CTNNA2: variants seen among roughly 807,000 people sequenced by gnomAD.
The protein encoded by CTNNA2 is catenin alpha-2.
CTNNA2 carries 42 observed loss-of-function variants against 101.0 expected under a neutral mutation model. The observed-to-expected ratio is 0.42, with a 90% CI of 0.32 to 0.54. The LOEUF (loss-of-function observed/expected upper bound fraction) is 0.54, where lower values mean the gene tolerates loss of function less well. CTNNA2 is among the 20% of genes least tolerant of loss of function. CTNNA2 has a pLI of 0.14. For missense variants in CTNNA2, 871 were observed against 1,223.1 expected (o/e 0.71, Z 4.29); for synonymous variants, 450 against 456.4 (o/e 0.99, Z 0.18).
At chr2:79,336,318 T>C (rs996234593) in intron 3 of CTNNA2, among the ~76,000 whole-genome samples, 22 of 152,290 alleles carry the variant, frequency 1.4e-4, no homozygotes, top group Middle Eastern at 3.4e-3. Context: ...CAATATTCCT[T>C]CGTGTGTGAC....
Position 80,561,928 on chromosome 2 carries a change from G to A in CTNNA2, c.1741+6035G>A, listed in dbSNP as rs149501334. On this transcript the variant is annotated intron_variant, in intron 12 of 18. Coordinates refer to ENST00000402739, the MANE Select transcript of CTNNA2 (RefSeq NM_001282597.3). ...TGACCTCAGGTAATCTGCCTACCTC[G>A]GCCTCTCAAAGTGCTGGGATTACAG... Among the ~76,000 whole-genome samples, 841 of 149,834 alleles carry A rather than the reference G, an allele frequency of 5.6e-3. 6 individuals are homozygous for A. Among genetic ancestry groups the A allele is most frequent in the African/African-American group, 0.019 (782 of 40,576 alleles).
intron 3 of CTNNA2, among the ~76,000 whole-genome samples, chr2:79,774,463 G>A (rs1673819223): frequency 6.6e-6 from 1 of 152,084 alleles, no homozygotes; most frequent in African/African-American, 2.4e-5. Flanking sequence ...TTGTTTGTTT[G>A]TTTTTATTGT....
chr2:80,610,689 C>A (rs1184383207), intron 17 of CTNNA2, among the ~76,000 whole-genome samples: 1 of 151,620 alleles, frequency 6.6e-6, no homozygotes, highest in African/African-American at 2.4e-5. Context: ...AAACAGAGAG[C>A]CACGTTTTTA....
At chr2:80,270,652 C>A (rs1413038185) in intron 7 of CTNNA2, among the ~76,000 whole-genome samples, 1 of 152,126 alleles carries the variant, frequency 6.6e-6, no homozygotes, top group Admixed American at 6.5e-5. Context: ...CAAAAATTGG[C>A]ATACCAGAGG....
intron 3 of CTNNA2, among the ~76,000 whole-genome samples, chr2:79,344,832 AT>A (rs1409205388): frequency 6.9e-6 from 1 of 145,966 alleles, no homozygotes; most frequent in Non-Finnish European, 1.5e-5. Context: ...AATATATAAT[AT>A]ATATAATACA....
chr2:79,268,653 G>A (rs1367712934), intron 2 of CTNNA2, among the ~76,000 whole-genome samples: 1 of 152,082 alleles, frequency 6.6e-6, no homozygotes, highest in East Asian at 1.9e-4. Context: ...TGTGGGATCT[G>A]ATGTTATCTC....
intron 2 of CTNNA2, among the ~76,000 whole-genome samples, chr2:79,716,221 TAC>T (rs1202324086): frequency 6.6e-6 from 1 of 152,166 alleles, no homozygotes; most frequent in Non-Finnish European, 1.5e-5. Flanking sequence ...TTTTTGCCAA[TAC>T]ACCAACAATT....
chr2:80,434,350 C>G (rs1408679285), intron 9 of CTNNA2, among the ~76,000 whole-genome samples: 1 of 152,144 alleles, frequency 6.6e-6, no homozygotes, highest in Non-Finnish European at 1.5e-5. Context: ...ACTTAATGTA[C>G]TTGTAGCTAT....
intron 12 of CTNNA2, among the ~76,000 whole-genome samples, chr2:80,571,167 G>T (rs1694562020): frequency 6.6e-6 from 1 of 152,098 alleles, no homozygotes; most frequent in Non-Finnish European, 1.5e-5. Context: ...TTCGAGAAAG[G>T]TCTTCATGCA....
At chr2:79,660,572 C>T (rs564276316) in intron 2 of CTNNA2, among the ~76,000 whole-genome samples, 1 of 152,124 alleles carries the variant, frequency 6.6e-6, no homozygotes, top group African/African-American at 2.4e-5. Flanking sequence ...TATGTATACC[C>T]AAAGTAGTTA....
At chr2:80,299,149 A>G (rs1298677463) in intron 7 of CTNNA2, 1 of 152,200 alleles carries the variant, frequency 6.6e-6, no homozygotes, top group African/African-American at 2.4e-5. Flanking sequence ...CAGATAGCAC[A>G]GCATAATGAG....
Position 80,302,401 on chromosome 2 carries a change from C to T in CTNNA2, c.1057-90810C>T, listed in dbSNP as rs1305123204. 2 of 1,614,260 alleles carry T rather than the reference C, an allele frequency of 1.2e-6. No homozygotes were observed. The highest frequency in any genetic ancestry group is 3.3e-5 in the Admixed American group (2 of 60,032). ...CAGCCATCTGATGCATGGTCTGTTT[C>T]TGCTTTTGCTTCCTGCGCTGCGTGA... On this transcript the variant is annotated intron_variant, in intron 7 of 18. Coordinates refer to ENST00000402739, the MANE Select transcript of CTNNA2 (RefSeq NM_001282597.3). This position sits in a 1 kb window ranked among gnomAD's most constrained non-coding sequence, Gnocchi z 6.4.
chr2:79,651,427 G>A, intron 1 of CTNNA2, 125 bp from the exon 2 acceptor site: 1 of 848,286 alleles, frequency 1.2e-6, no homozygotes, highest in Non-Finnish European at 1.9e-6. Context: ...AATTTGACCA[G>A]GTTGGACCAG....
intron 3 of CTNNA2, among the ~76,000 whole-genome samples, chr2:79,807,588 G>C (rs1165379732): frequency 6.6e-6 from 1 of 152,048 alleles, no homozygotes; most frequent in Non-Finnish European, 1.5e-5. Context: ...TTTATTCAGT[G>C]TTCAAACATT....
At chr2:79,639,304 G>A (rs1680287842) in intron 1 of CTNNA2, among the ~76,000 whole-genome samples, 1 of 152,134 alleles carries the variant, frequency 6.6e-6, no homozygotes, top group South Asian at 2.1e-4. Flanking sequence ...CACCTAACTG[G>A]AGCTTGCACA....
chr2:79,757,618 G>C (rs1672484315), intron 3 of CTNNA2, among the ~76,000 whole-genome samples: 1 of 152,196 alleles, frequency 6.6e-6, no homozygotes, highest in Non-Finnish European at 1.5e-5. Flanking sequence ...AAGAGTCAGG[G>C]AAGTGACTAA....
At chr2:80,621,043 G>A (rs964985946) in intron 18 of CTNNA2, among the ~76,000 whole-genome samples, 11 of 151,884 alleles carry the variant, frequency 7.2e-5, no homozygotes, top group Non-Finnish European at 1.3e-4. Flanking sequence ...GTGCTCTAAA[G>A]GAGACAGTGA....
At chr2:80,431,285 A>G (rs1351075594) in intron 9 of CTNNA2, among the ~76,000 whole-genome samples, 1 of 152,172 alleles carries the variant, frequency 6.6e-6, no homozygotes, top group Non-Finnish European at 1.5e-5. Flanking sequence ...TTCAACCCTT[A>G]CCTTAACAGA....
chr2:80,448,327 C>T (rs1683227352), intron 9 of CTNNA2, among the ~76,000 whole-genome samples: 1 of 152,198 alleles, frequency 6.6e-6, no homozygotes, highest in Non-Finnish European at 1.5e-5. Flanking sequence ...AATATGTTCT[C>T]CGTTTCACTC....
Sources: allele counts gnomAD v4.1 joint callset (sites outside exome capture counted in the v4.1 genomes callset), GRCh38; gene constraint gnomAD v4.1.1; non-coding constraint Gnocchi (gnomAD v3.1); transcripts MANE v1.5; gene names NCBI Gene and HGNC (gene_info 2026-07-23, HGNC 2026-07-21).